DPH6: variants seen among roughly 807,000 people sequenced by gnomAD.
DPH6 encodes the protein diphthamine biosynthesis 6.
A neutral mutation model predicts 38.2 loss-of-function variants in DPH6; 33 were observed. The ratio of observed to expected loss-of-function variants is 0.86; its 90% CI spans 0.65 to 1.15. DPH6 has a LOEUF of 1.15. Among genes scored for constraint, DPH6 ranks in the 50% most tolerant of loss-of-function variants. DPH6 has a pLI of 0.00. For synonymous variants in DPH6, 108 were observed against 103.0 expected, an observed-to-expected ratio of 1.05 and a Z score of -0.30; for missense variants, 325 against 320.0, an observed-to-expected ratio of 1.02 and a Z score of -0.12.
chr15:35,392,175 T>A (rs2053069048), intron 6 of DPH6, among the ~76,000 whole-genome samples: 1 of 152,184 alleles, frequency 6.6e-6, no homozygotes, highest in African/African-American at 2.4e-5. Context: ...TCCTAGTAAA[T>A]TAAAAAGAAA....
At chr15:35,445,637 TTAC>T (rs34106115) in intron 5 of DPH6, among the ~76,000 whole-genome samples, 2,604 of 152,228 alleles carry the variant, frequency 0.017, 80 homozygotes, top group African/African-American at 0.06. Flanking sequence ...ATTTTATCAT[TTAC>T]TACCATAAAA....
chr15:35,373,904 C>A (rs2052746557), intron 7 of DPH6, among the ~76,000 whole-genome samples: 1 of 151,978 alleles, frequency 6.6e-6, no homozygotes, highest in African/African-American at 2.4e-5. Context: ...AATTCCTGTT[C>A]AATTTCATTT....
intron 3 of DPH6, among the ~76,000 whole-genome samples, chr15:35,318,407 A>G (rs2052211550): frequency 6.6e-6 from 1 of 152,166 alleles, no homozygotes; most frequent in Non-Finnish European, 1.5e-5. Context: ...TTACTGATAA[A>G]GAAAAAATTA....
intron 3 of DPH6, among the ~76,000 whole-genome samples, chr15:35,494,429 A>G (rs1434791405): frequency 6.6e-6 from 1 of 152,126 alleles, no homozygotes; most frequent in African/African-American, 2.4e-5. Flanking sequence ...AACAAATTAG[A>G]CAACAATAAC....
intron 3 of DPH6, among the ~76,000 whole-genome samples, chr15:35,307,037 G>C (rs745654959): frequency 2.6e-4 from 39 of 152,176 alleles, no homozygotes; most frequent in Non-Finnish European, 5.4e-4. Flanking sequence ...TAGTATGACT[G>C]TGCACAGTAC....
At chr15:35,407,371 T>G (rs969004996) in intron 6 of DPH6, among the ~76,000 whole-genome samples, 1 of 151,946 alleles carries the variant, frequency 6.6e-6, no homozygotes, top group African/African-American at 2.4e-5. Flanking sequence ...GTATACTTAG[T>G]GTTCACCATA....
chr15:35,190,800 T>A, the DPH6 span, among the ~76,000 whole-genome samples: 149,873 of 152,352 alleles, frequency 0.98, 73,780 homozygotes, highest in South Asian at 1. Context: ...GCTTTTGCCC[T>A]GGAATGAACA....
At chr15:35,436,418 A>C (rs2141045600) in intron 5 of DPH6, among the ~76,000 whole-genome samples, 1 of 151,278 alleles carries the variant, frequency 6.6e-6, no homozygotes, top group Admixed American at 6.6e-5. Context: ...ATGAGCCGAG[A>C]TGGCGCCACT....
chr15:35,417,312 T>C (rs2053448456), intron 5 of DPH6, among the ~76,000 whole-genome samples: 1 of 152,070 alleles, frequency 6.6e-6, no homozygotes, highest in Admixed American at 6.6e-5. Context: ...AGCTTATCTA[T>C]AATTATGAAG....
At chr15:35,448,497 C>T (rs891520895) in intron 5 of DPH6, among the ~76,000 whole-genome samples, 3 of 152,076 alleles carry the variant, frequency 2.0e-5, no homozygotes, top group Non-Finnish European at 4.4e-5. Flanking sequence ...TATACACATA[C>T]AGACATATAT....
At chr15:35,420,468 C>A (rs1307362570) in intron 5 of DPH6, among the ~76,000 whole-genome samples, 1 of 152,010 alleles carries the variant, frequency 6.6e-6, no homozygotes, top group East Asian at 1.9e-4. Flanking sequence ...TAAAATTGAG[C>A]CTGGCAAAAC....
At chr15:35,196,142 G>A in the DPH6 span, among the ~76,000 whole-genome samples, 11 of 152,116 alleles carry the variant, frequency 7.2e-5, no homozygotes, top group East Asian at 1.9e-4. Context: ...CTCTCCAAAC[G>A]CAAACATGAA....
At chr15:35,433,128 A>C (rs2053652987) in intron 5 of DPH6, among the ~76,000 whole-genome samples, 1 of 152,250 alleles carries the variant, frequency 6.6e-6, no homozygotes, top group African/African-American at 2.4e-5. Context: ...AGTATTAAAT[A>C]CAAATGTCAA....
chr15:35,147,439 C>A, the DPH6 span, among the ~76,000 whole-genome samples: 2 of 152,092 alleles, frequency 1.3e-5, no homozygotes, highest in Non-Finnish European at 2.9e-5. Context: ...GTTCTTCAAT[C>A]TAGTTAGAAA....
intron 3 of DPH6, among the ~76,000 whole-genome samples, chr15:35,501,614 G>GT (rs1164284798): frequency 1.3e-5 from 2 of 152,002 alleles, no homozygotes; most frequent in Non-Finnish European, 2.9e-5. Flanking sequence ...TTGTTTCTTT[G>GT]TTTTTTAATA....
the DPH6 span, among the ~76,000 whole-genome samples, chr15:35,191,425 C>T: frequency 6.6e-6 from 1 of 152,108 alleles, no homozygotes; most frequent in Non-Finnish European, 1.5e-5. Flanking sequence ...TTTCAGATAT[C>T]ATGCTTGTCA....
At chr15:35,531,705 G>A (rs898730898) in intron 3 of DPH6, among the ~76,000 whole-genome samples, 1 of 152,090 alleles carries the variant, frequency 6.6e-6, no homozygotes, top group East Asian at 1.9e-4. Context: ...ACTCCTGAAA[G>A]TGGTCTGCCC....
chr15:35,171,620 G>C, the DPH6 span, among the ~76,000 whole-genome samples: 1 of 151,882 alleles, frequency 6.6e-6, no homozygotes, highest in Non-Finnish European at 1.5e-5. Flanking sequence ...TAAAATATAA[G>C]AAATTATATA....
intron 3 of DPH6, among the ~76,000 whole-genome samples, chr15:35,530,434 G>A (rs185945759): frequency 2.2e-4 from 34 of 152,278 alleles, no homozygotes; most frequent in African/African-American, 7.5e-4. Context: ...AAGATATATA[G>A]AGTAGATGAT....
Sources: gnomAD v4.1 joint callset for allele counts (sites outside exome capture counted in the v4.1 genomes callset) on GRCh38, gnomAD v4.1.1 for gene constraint, MANE v1.5 for transcripts, NCBI Gene and HGNC (gene_info 2026-07-23, HGNC 2026-07-21) for gene names.